The following GLRA2 variants were observed in gnomAD, a reference collection of about 807,000 sequenced individuals.
GLRA2 encodes the protein glycine receptor alpha 2.
Under a neutral mutation model 31.6 loss-of-function variants are expected in GLRA2, and 11 were observed. The ratio of observed to expected loss-of-function variants is 0.35; its 90% confidence interval spans 0.22 to 0.58. The LOEUF (loss-of-function observed/expected upper bound fraction) is 0.58. GLRA2 is among the 20% of genes least tolerant of loss of function. The pLI, the probability that GLRA2 is intolerant of heterozygous loss-of-function variation, is 0.84. For missense variants in GLRA2, 212 were observed against 351.8 expected, an observed-to-expected ratio of 0.60 and a Z score of 3.18; for synonymous variants, 132 against 134.0, an observed-to-expected ratio of 0.99 and a Z score of 0.10.
At chrX:14,553,603 C>A (rs182492675) in intron 2 of GLRA2, among the ~76,000 whole-genome samples, 1 of 111,526 alleles carries the variant, frequency 9.0e-6, no homozygotes, top group Admixed American at 9.5e-5. Flanking sequence ...CCCATATCCC[C>A]GGTCCCTTAC....
the GLRA2 span, among the ~76,000 whole-genome samples, chrX:14,498,216 A>C: frequency 9.0e-6 from 1 of 111,174 alleles, no homozygotes; most frequent in South Asian, 3.7e-4. Flanking sequence ...GCTGGTTACC[A>C]GGAAAAATAT....
At chrX:14,707,773 T>TGTGTGTGTGC (rs1491201982) in intron 8 of GLRA2, among the ~76,000 whole-genome samples, 2 of 110,145 alleles carry the variant, frequency 1.8e-5, no homozygotes, top group African/African-American at 6.7e-5. Context: ...TGTGTGTGTG[T>TGTGTGTGTGC]GCACGCGCGC....
At chrX:14,511,837 A>G in the GLRA2 span, among the ~76,000 whole-genome samples, 2 of 111,956 alleles carry the variant, frequency 1.8e-5, no homozygotes, top group African/African-American at 6.5e-5. Flanking sequence ...CATCCTTGCT[A>G]CAACCAGGAT....
intron 4 of GLRA2, among the ~76,000 whole-genome samples, chrX:14,601,717 G>A (rs919414034): frequency 1.8e-5 from 2 of 111,104 alleles, no homozygotes; most frequent in African/African-American, 6.5e-5. Flanking sequence ...ACTTCAAATC[G>A]CAACCCTTTC....
the GLRA2 span, among the ~76,000 whole-genome samples, chrX:14,509,421 T>C: frequency 8.9e-6 from 1 of 112,867 alleles, no homozygotes; most frequent in African/African-American, 3.2e-5. Flanking sequence ...CCACCTTTCA[T>C]TGATCAGCAA....
intron 2 of GLRA2, among the ~76,000 whole-genome samples, chrX:14,538,009 A>G (rs775686689): frequency 7.4e-5 from 8 of 108,241 alleles, no homozygotes; most frequent in Non-Finnish European, 1.9e-5. Flanking sequence ...ACACATTTGT[A>G]TATACTAGGC....
upstream of GLRA2, chrX:14,529,310 C>G (rs927434027): frequency 9.3e-6 from 1 of 107,021 alleles, no homozygotes; most frequent in African/African-American, 3.4e-5. Flanking sequence ...TTCCCTCACC[C>G]TCTCCGTCTC....
intron 2 of GLRA2, among the ~76,000 whole-genome samples, chrX:14,542,327 A>G (rs776284516): frequency 1.9e-4 from 21 of 112,198 alleles, no homozygotes; most frequent in Admixed American, 1.6e-3. Flanking sequence ...CATACAACCC[A>G]TGTTCACTTT....
intron 7 of GLRA2, among the ~76,000 whole-genome samples, chrX:14,664,699 A>C (rs1208830060): frequency 1.8e-5 from 2 of 112,314 alleles, no homozygotes; most frequent in Non-Finnish European, 3.8e-5. Context: ...GGTCCTTGAA[A>C]ACAGGACCTG....
intron 2 of GLRA2, among the ~76,000 whole-genome samples, chrX:14,567,056 GC>G (rs1356966840): frequency 2.7e-5 from 3 of 111,639 alleles, no homozygotes; most frequent in Non-Finnish European, 5.6e-5. Context: ...CAGTGAGGCA[GC>G]CCCAAAGCGT....
At chrX:14,575,746 C>G (rs1032182129) in intron 3 of GLRA2, among the ~76,000 whole-genome samples, 9 of 111,627 alleles carry the variant, frequency 8.1e-5, no homozygotes, top group African/African-American at 2.9e-4. Flanking sequence ...AAGGCATTAA[C>G]TACTACACCC....
chrX:14,546,945 C>T (rs1011125228), intron 2 of GLRA2, among the ~76,000 whole-genome samples: 1 of 111,782 alleles, frequency 8.9e-6, no homozygotes, highest in African/African-American at 3.2e-5. Context: ...GGTACCCTCT[C>T]AGTGTCTAAC....
chrX:14,692,486 A>G, intron 8 of GLRA2, among the ~76,000 whole-genome samples: 1 of 112,129 alleles, frequency 8.9e-6, no homozygotes, highest in South Asian at 3.7e-4. Context: ...TCCTTCAACA[A>G]CTTCTTTTAC....
chrX:14,724,206 C>T (rs1222954053), intron 8 of GLRA2, among the ~76,000 whole-genome samples: 1 of 111,912 alleles, frequency 8.9e-6, no homozygotes, highest in African/African-American at 3.2e-5. Context: ...AATTTGTTTA[C>T]TTGTTACTGT....
chrX:14,693,748 T>C, intron 8 of GLRA2, among the ~76,000 whole-genome samples: 1 of 111,944 alleles, frequency 8.9e-6, no homozygotes, highest in Non-Finnish European at 1.9e-5. Flanking sequence ...TCTGAGTAAA[T>C]AGAATTAGGC....
chrX:14,494,743 A>G, the GLRA2 span, among the ~76,000 whole-genome samples: 1 of 111,644 alleles, frequency 9.0e-6, no homozygotes, highest in East Asian at 2.8e-4. Context: ...CCGAAGTCTC[A>G]TGTCATTGGA....
At chrX:14,451,660 AAAAAAG>A in the GLRA2 span, among the ~76,000 whole-genome samples, 1 of 107,438 alleles carries the variant, frequency 9.3e-6, no homozygotes, top group African/African-American at 3.4e-5. Context: ...AAAAAAAAAA[AAAAAAG>A]GTACAGAGTG....
intron 4 of GLRA2, among the ~76,000 whole-genome samples, chrX:14,588,568 T>C (rs2090107513): frequency 8.9e-6 from 1 of 111,984 alleles, no homozygotes; most frequent in Non-Finnish European, 1.9e-5. Flanking sequence ...ATCTGGGCTG[T>C]TTTTTGGTTC....
At chrX:14,558,507 C>A (rs1349885670) in intron 2 of GLRA2, among the ~76,000 whole-genome samples, 1 of 111,617 alleles carries the variant, frequency 9.0e-6, no homozygotes, top group African/African-American at 3.3e-5. Flanking sequence ...CAGGACTGCC[C>A]TGGTTTCTGC....
Sources: allele counts gnomAD v4.1 joint callset (sites outside exome capture counted in the v4.1 genomes callset), GRCh38; gene constraint gnomAD v4.1.1; transcripts MANE v1.5; gene names NCBI Gene and HGNC (gene_info 2026-07-23, HGNC 2026-07-21).